The following LUC7L3 variants were observed in gnomAD, a reference collection of about 807,000 sequenced individuals.
LUC7L3 encodes the protein luc7-like protein 3.
Under a neutral mutation model 66.8 loss-of-function variants are expected in LUC7L3, and 6 were observed. The ratio of observed to expected loss-of-function variants is 0.09; its 90% CI spans 0.05 to 0.18. The LOEUF is 0.18. Ranked by LOEUF, LUC7L3 falls within the 10% of genes least tolerant of loss-of-function variation. LUC7L3 has a pLI of 1.00. For missense variants in LUC7L3, 341 were observed against 531.1 expected, an observed-to-expected ratio of 0.64 and a Z score of 3.52; for synonymous variants, 160 against 174.7, an observed-to-expected ratio of 0.92 and a Z score of 0.66.
At chr17:50,741,300 G>A in intron 4 of LUC7L3, 54 bp downstream of exon 4, 1 of 1,545,160 alleles carries the variant, frequency 6.5e-7, no homozygotes. Context: ...TGGAGATTCA[G>A]AGACCTCCCT....
rs556989824 is a variant in LUC7L3, at chr17:50,734,367, A to G, written c.100-2593A>G. ...TTTTTAGTAGAGACGGGGTTTCTCC[A>G]TGTTGGTCATGCTGGTCTCAAACTC... is the stretch of plus-strand genomic sequence containing the variant. On this transcript the variant is annotated intron_variant, in intron 1 of 9. Coordinates refer to ENST00000505658, the MANE Select transcript of LUC7L3 (RefSeq NM_016424.5). Among the ~76,000 whole-genome samples the G allele has an allele frequency of 4.6e-5, 7 of 152,262 alleles. No homozygotes were observed. In the South Asian group the frequency reaches 1.0e-3, roughly 23 times the overall value.
chr17:50,742,549 G>A (rs934280739), intron 5 of LUC7L3, among the ~76,000 whole-genome samples: 3 of 152,056 alleles, frequency 2.0e-5, no homozygotes, highest in Non-Finnish European at 1.5e-5. Flanking sequence ...AATAGAGATG[G>A]GGTTTCACCG....
intron 1 of LUC7L3, among the ~76,000 whole-genome samples, chr17:50,731,314 A>G (rs1969592355): frequency 6.6e-6 from 1 of 152,046 alleles, no homozygotes; most frequent in African/African-American, 2.4e-5. Flanking sequence ...GATTACAGGC[A>G]CTTGCCATTA....
chr17:50,728,075 G>A (rs903861794), intron 1 of LUC7L3, among the ~76,000 whole-genome samples: 14 of 150,192 alleles, frequency 9.3e-5, no homozygotes, highest in African/African-American at 2.2e-4. Flanking sequence ...CCGAGATCGC[G>A]CCACTGCACT....
intron 1 of LUC7L3, among the ~76,000 whole-genome samples, chr17:50,728,941 C>T (rs1054569796): frequency 6.6e-6 from 1 of 151,950 alleles, no homozygotes; most frequent in Non-Finnish European, 1.5e-5. Context: ...TGAGGTATTC[C>T]AGTAATATGT....
At chr17:50,742,305 A>C (rs1042802401) in intron 5 of LUC7L3, among the ~76,000 whole-genome samples, 3 of 152,226 alleles carry the variant, frequency 2.0e-5, no homozygotes, top group Admixed American at 2.0e-4. Flanking sequence ...TTTGGAAAAA[A>C]TAGTCTCATT....
At chr17:50,749,792 C>T (rs1386643381) in intron 9 of LUC7L3, among the ~76,000 whole-genome samples, 3 of 152,176 alleles carry the variant, frequency 2.0e-5, no homozygotes, top group Admixed American at 6.5e-5. Flanking sequence ...ACTTTTACCT[C>T]TAGTCTGAGG....
rs1971085241 is a variant in LUC7L3, at chr17:50,754,998, TTTA to T, written c.*4338_*4340del. The T allele has an allele frequency of 6.6e-6, 1 of 152,198 alleles. No individual in the cohort carries two copies. The highest frequency in any genetic ancestry group is 2.4e-5 in the African/African-American group (1 of 41,450). The allele number at this position is 152,198 out of a possible 1,614,324, so 9.4% of individuals were successfully genotyped here. The stretch of plus-strand genomic sequence containing the variant: ...TGCAGATGGGCTATGTGAATATGTT[TTTA>T]AACATCTGATATGTGCATGAAACAA... On this transcript the variant is annotated 3_prime_UTR_variant, in exon 10 of 10. Coordinates refer to ENST00000505658, the MANE Select transcript of LUC7L3 (RefSeq NM_016424.5).
At position 50,719,715 on chromosome 17, in the gene LUC7L3, C is replaced by G. The variant is rs1290395232; in HGVS notation, c.-18C>G. ...CGGGTGCCTGGGCTGGTGGGAACAG[C>G]CGCCCGAAGGAAGCACCATGATTTC... On this transcript the variant is annotated 5_prime_UTR_variant, in exon 1 of 10. Coordinates refer to ENST00000505658, the MANE Select transcript of LUC7L3 (RefSeq NM_016424.5). 2 of 1,599,806 alleles carry G rather than the reference C, an allele frequency of 1.3e-6. No individual in the cohort carries two copies. Among genetic ancestry groups the G allele is most frequent in the Admixed American group, 1.7e-5 (1 of 58,524 alleles).
At chr17:50,725,282 C>T (rs1251345017) in intron 1 of LUC7L3, among the ~76,000 whole-genome samples, 4 of 152,104 alleles carry the variant, frequency 2.6e-5, no homozygotes, top group African/African-American at 4.8e-5. Context: ...TGGTGGCGCA[C>T]GCCTGTAATC....
chr17:50,737,363 G>A (rs975338395), intron 2 of LUC7L3: 7 of 473,008 alleles, frequency 1.5e-5, no homozygotes, highest in Non-Finnish European at 2.9e-5. Flanking sequence ...AGGAGTAGCA[G>A]CAAACGCAAC....
chr17:50,749,355 GC>G (rs1970866355), intron 9 of LUC7L3: 1 of 1,287,790 alleles, frequency 7.8e-7, no homozygotes, highest in East Asian at 5.6e-5. Flanking sequence ...GTCAGTTAGA[GC>G]CCACTGTCCT....
At position 50,744,663 on chromosome 17, in the gene LUC7L3, C is replaced by T. The variant is rs1970557558; in HGVS notation, c.543C>T (p.Ser181=). Residue 181 remains serine (S), a synonymous_variant, in exon 7 of 10, where the codon AGC becomes AGT. Transcript: ENST00000505658. ...ATTTATCATTTTAGACAATTGAAAG[C>T]TTTGCTGCACAAGAAAAACAAATGG... ...LLRSTTSTIE[S]FAAQEKQMEV... is the part of the protein sequence containing the mutation. 3 of 1,611,572 alleles carry T rather than the reference C, an allele frequency of 1.9e-6. No homozygotes were observed. Among genetic ancestry groups the T allele is most frequent in the Non-Finnish European group, 2.5e-6 (3 of 1,179,326 alleles).
At chr17:50,730,329 G>C (rs1365203291) in intron 1 of LUC7L3, among the ~76,000 whole-genome samples, 1 of 151,660 alleles carries the variant, frequency 6.6e-6, no homozygotes. Flanking sequence ...AGGAGTTCGA[G>C]ATCAACCATG....
At chr17:50,740,946 C>T (rs1364640157) in intron 3 of LUC7L3, among the ~76,000 whole-genome samples, 156 bp from the exon 4 acceptor site, 1 of 152,200 alleles carries the variant, frequency 6.6e-6, no homozygotes, top group African/African-American at 2.4e-5. Flanking sequence ...CTGTGTAAAG[C>T]TCTATGATGA....
chr17:50,750,666 G>A lies in LUC7L3; in HGVS notation c.*5G>A. ...GGTGACACTCAGTCCAATTAAAACT[G>A]ATCTGATAAGACCTCAGATCAGACA... is the stretch of plus-strand genomic sequence containing the variant. On this transcript the variant is annotated 3_prime_UTR_variant, in exon 10 of 10. Coordinates refer to ENST00000505658, the MANE Select transcript of LUC7L3 (RefSeq NM_016424.5). 1 of 1,614,070 alleles carries A rather than the reference G, an allele frequency of 6.2e-7. No homozygotes were observed. Among genetic ancestry groups the A allele is most frequent in the Non-Finnish European group, 8.5e-7 (1 of 1,179,990 alleles).
At position 50,755,329 on chromosome 17, in the gene LUC7L3, CAT is replaced by C. The variant is rs1971091130; in HGVS notation, c.*4673_*4674del. The C allele has an allele frequency of 6.6e-6, 1 of 152,106 alleles. No individual in the cohort carries two copies. Among genetic ancestry groups the C allele is most frequent in the South Asian group, 2.1e-4 (1 of 4,826 alleles). 9.4% of individuals were successfully genotyped at this position (152,106 alleles called of 1,614,324 possible). On this transcript the variant is annotated 3_prime_UTR_variant, in exon 10 of 10. Coordinates refer to ENST00000505658, the MANE Select transcript of LUC7L3 (RefSeq NM_016424.5). ...GATGGGAGGTGGGAGGAAATATAAA[CAT>C]ATATGTATAGATCTTTCAAAATATA...
chr17:50,726,597 G>A (rs529751558), intron 1 of LUC7L3, among the ~76,000 whole-genome samples: 16 of 152,146 alleles, frequency 1.1e-4, no homozygotes, highest in Middle Eastern at 3.4e-3. Flanking sequence ...TGCTTGATAT[G>A]TACGATAGAC....
In LUC7L3 at chr17:50,719,670, G is replaced by T. The variant is rs1415404141; in HGVS notation, c.-63G>T. 8.0e-6 allele frequency: 11 copies of T among 1,383,016 alleles called. No homozygotes were observed. The highest frequency in any genetic ancestry group is 1.1e-5 in the Non-Finnish European group (11 of 986,352). The allele number at this position is 1,383,016 out of a possible 1,614,324, so 85.7% of individuals were successfully genotyped here. A position where few individuals can be genotyped will look rare whatever the true frequency, so the allele number is the denominator to read the frequency against. ...GCGGGCCGAGGAGATTGGCGACGGTGTCGCCCGTGTTTTCGTTGGCGGGTG... is the reference window on the plus strand; with the variant it reads ...GCGGGCCGAGGAGATTGGCGACGGTTTCGCCCGTGTTTTCGTTGGCGGGTG... On this transcript the variant is annotated 5_prime_UTR_variant, in exon 1 of 10. Coordinates refer to ENST00000505658, the MANE Select transcript of LUC7L3 (RefSeq NM_016424.5).
Sources: gnomAD v4.1 joint callset for allele counts (sites outside exome capture counted in the v4.1 genomes callset) on GRCh38, gnomAD v4.1.1 for gene constraint, MANE v1.5 for transcripts, NCBI Gene and HGNC (gene_info 2026-07-23, HGNC 2026-07-21) for gene names.